Variants in KLHDC4 observed in about 807,000 individuals in gnomAD.
KLHDC4 encodes kelch domain containing 4.
KLHDC4 carries 90 observed loss-of-function variants against 62.4 expected under a neutral mutation model. The ratio of observed to expected loss-of-function variants is 1.44; its 90% CI spans 1.22 to 1.72. KLHDC4 has a LOEUF of 1.72. Ranked by LOEUF, KLHDC4 falls within the 40% of genes most tolerant of loss-of-function variation. The pLI is 0.00. For synonymous variants in KLHDC4, 386 were observed against 284.4 expected (o/e 1.36, Z -3.59); for missense variants, 1,025 against 699.7 (o/e 1.47, Z -5.25).
exon 1 of KLHDC4, chr16:87,700,975 G>C (rs1454061688): frequency 4.6e-6 from 1 of 217,374 alleles, no homozygotes; most frequent in East Asian, 1.9e-4. Flanking sequence ...TGAGGCAGTC[G>C]GTACGCAGAA....
At chr16:87,735,804 C>T (rs1477177668) in intron 5 of KLHDC4, among the ~76,000 whole-genome samples, 1 of 152,228 alleles carries the variant, frequency 6.6e-6, no homozygotes, top group Non-Finnish European at 1.5e-5. Flanking sequence ...GTGGTGGCGG[C>T]TGCCTCGAGG....
At position 87,730,639 on chromosome 16, in the gene KLHDC4, G is replaced by A. The variant is rs767507638; in HGVS notation, c.512C>T (p.Thr171Ile). 7 of 1,611,996 alleles carry A rather than the reference G, an allele frequency of 4.3e-6. No homozygotes were observed. In the South Asian group the frequency reaches 5.5e-5, roughly 13 times the overall value. Residue 171 changes from threonine (T) to isoleucine (I), a missense_variant, in exon 6 of 12, where the codon ACA (threonine) becomes ATA (isoleucine). By Grantham distance (89) the Thr-to-Ile change is moderately conservative. Coordinates refer to ENST00000270583, the MANE Select transcript of KLHDC4 (RefSeq NM_017566.4). ...TCCACTCCGACCCGAAGGACCGCCTGTTGATCTAAAATGAAATAAACAAAA... is the reference window on the plus strand; with the variant it reads ...TCCACTCCGACCCGAAGGACCGCCTATTGATCTAAAATGAAATAAACAAAA... ...ATKTWEQVKS[T>I]GGPSGRSGHR...
chr16:87,719,467 C>T (rs1168010421), intron 7 of KLHDC4, among the ~76,000 whole-genome samples: 1 of 152,118 alleles, frequency 6.6e-6, no homozygotes, highest in Non-Finnish European at 1.5e-5. Flanking sequence ...TGCTTGAAGG[C>T]AGCATACTCG....
downstream of KLHDC4, among the ~76,000 whole-genome samples, chr16:87,706,271 T>G (rs1191192452): frequency 1.8e-3 from 40 of 22,132 alleles, no homozygotes; most frequent in South Asian, 6.7e-3. Flanking sequence ...CTTGAGGGGG[T>G]CGGTGGCGGG....
chr16:87,752,160 T>G (rs1043385842), intron 4 of KLHDC4, among the ~76,000 whole-genome samples: 1 of 134,760 alleles, frequency 7.4e-6, no homozygotes, highest in African/African-American at 2.8e-5. Flanking sequence ...TAATCCCAGC[T>G]CTCAGGGAAG....
intron 7 of KLHDC4, among the ~76,000 whole-genome samples, chr16:87,721,538 A>T (rs1223867334): frequency 6.6e-6 from 1 of 152,144 alleles, no homozygotes; most frequent in African/African-American, 2.4e-5. Flanking sequence ...AAGCTGAGAC[A>T]ACCTGCAGCC....
chr16:87,716,357 C>G (rs923923775), intron 7 of KLHDC4, among the ~76,000 whole-genome samples: 3 of 152,154 alleles, frequency 2.0e-5, no homozygotes, highest in Admixed American at 1.3e-4. Context: ...TGGGTACGCG[C>G]TATGTCTCGT....
chr16:87,723,073 C>T (rs1448604596), intron 7 of KLHDC4, among the ~76,000 whole-genome samples: 2 of 152,276 alleles, frequency 1.3e-5, no homozygotes, highest in South Asian at 2.1e-4. Context: ...GGTGTAATGG[C>T]GCCAGAGCAA....
At chr16:87,732,726 C>CG (rs58383909) in intron 5 of KLHDC4, among the ~76,000 whole-genome samples, 3,976 of 152,252 alleles carry the variant, frequency 0.026, 179 homozygotes, top group African/African-American at 0.09. Flanking sequence ...AAAAACAGCA[C>CG]GTGAAAAGGC....
chr16:87,738,003 G>C (rs2041630138), intron 5 of KLHDC4, among the ~76,000 whole-genome samples: 2 of 152,094 alleles, frequency 1.3e-5, no homozygotes, highest in Non-Finnish European at 1.5e-5. Flanking sequence ...CTTCCAGCAG[G>C]GCAGGTTCTG....
rs557363455 is a variant in KLHDC4, at chr16:87,744,478, G to C, written c.506+4195C>G. On this transcript the variant is annotated intron_variant, in intron 5 of 11. Transcript: ENST00000270583. ...GACACCTGTAATCCCAGCTACTCGG[G>C]ACACTGAGGCACAAGAATGGCTTGA... Among the ~76,000 whole-genome samples, 21 of 151,294 alleles carry C rather than the reference G, an allele frequency of 1.4e-4. 1 individual carries two copies. The highest frequency in any genetic ancestry group is 4.9e-4 in the African/African-American group (20 of 41,176).
intron 7 of KLHDC4, among the ~76,000 whole-genome samples, chr16:87,723,367 G>A (rs1306894370): frequency 1.3e-5 from 2 of 152,246 alleles, no homozygotes; most frequent in Non-Finnish European, 2.9e-5. Flanking sequence ...TCAGACTGAG[G>A]GCGGGTGCAC....
At chr16:87,758,264 C>T (rs917001465) in intron 2 of KLHDC4, among the ~76,000 whole-genome samples, 7 of 152,234 alleles carry the variant, frequency 4.6e-5, no homozygotes, top group Non-Finnish European at 7.3e-5. Context: ...GTATGCAATG[C>T]TCGTTACGGC....
intron 2 of KLHDC4, among the ~76,000 whole-genome samples, chr16:87,761,625 G>A (rs955687400): frequency 1.3e-5 from 2 of 152,158 alleles, no homozygotes; most frequent in Non-Finnish European, 2.9e-5. Context: ...CCTACAGTAC[G>A]CACTTTTAAA....
intron 6 of KLHDC4, among the ~76,000 whole-genome samples, 186 bp from the exon 7 acceptor site, chr16:87,727,110 G>C (rs868740162): frequency 6.6e-6 from 1 of 152,136 alleles, no homozygotes; most frequent in African/African-American, 2.4e-5. Context: ...TCCCTGCAAC[G>C]AGCCAGAGAC....
At chr16:87,724,652 A>C (rs2039018706) in intron 7 of KLHDC4, among the ~76,000 whole-genome samples, 1 of 152,218 alleles carries the variant, frequency 6.6e-6, no homozygotes, top group Non-Finnish European at 1.5e-5. Flanking sequence ...CCACCAGAGC[A>C]GCTAAAAACA....
chr16:87,723,552 C>T (rs1348867811), intron 7 of KLHDC4, among the ~76,000 whole-genome samples: 1 of 152,250 alleles, frequency 6.6e-6, no homozygotes, highest in Non-Finnish European at 1.5e-5. Context: ...TCTCAGTGCC[C>T]TCCCACATGC....
At chr16:87,713,258 G>A (rs1597402183) in intron 8 of KLHDC4, among the ~76,000 whole-genome samples, 1 of 151,970 alleles carries the variant, frequency 6.6e-6, no homozygotes, top group South Asian at 2.1e-4. Flanking sequence ...GGAGTGCGGT[G>A]GTGCAATCTC....
At chr16:87,704,206 T>C (rs113233901), downstream of KLHDC4, among the ~76,000 whole-genome samples, 4,458 of 152,232 alleles carry the variant, frequency 0.029, 82 homozygotes, top group Middle Eastern at 0.079. Context: ...TCTCGCCTCG[T>C]CACCTGAACG....
Sources: allele counts gnomAD v4.1 joint callset (sites outside exome capture counted in the v4.1 genomes callset), GRCh38; gene constraint gnomAD v4.1.1; transcripts MANE v1.5; gene names NCBI Gene and HGNC (gene_info 2026-07-23, HGNC 2026-07-21).